AAGAB: variants seen among roughly 807,000 people sequenced by gnomAD.
AAGAB encodes alpha and gamma adaptin binding protein, also known as alpha- and gamma-adaptin-binding protein p34.
Under a neutral mutation model 44.1 loss-of-function variants are expected in AAGAB, and 38 were observed. The observed-to-expected ratio is 0.86, with a 90% confidence interval of 0.67 to 1.13. The LOEUF is 1.13. AAGAB is among the 50% of genes most tolerant of loss of function. AAGAB has a pLI of 0.00. For synonymous variants in AAGAB, 131 were observed against 131.8 expected (o/e 0.99, Z 0.04); for missense variants, 450 against 373.8 (o/e 1.20, Z -1.68).
intron 5 of AAGAB, among the ~76,000 whole-genome samples, chr15:67,213,660 TCTA>T (rs1963875883): frequency 6.6e-6 from 1 of 152,332 alleles, no homozygotes; most frequent in East Asian, 1.9e-4. Context: ...GAATCCTACT[TCTA>T]CTATTTACTG....
chr15:67,232,249 C>CAAAA (rs34877999), intron 4 of AAGAB, among the ~76,000 whole-genome samples: 3 of 88,680 alleles, frequency 3.4e-5, no homozygotes, highest in East Asian at 2.6e-4. Flanking sequence ...AACTCCATCT[C>CAAAA]AAAAAAAAAA....
intron 5 of AAGAB, among the ~76,000 whole-genome samples, chr15:67,210,474 C>A (rs1361563402): frequency 6.6e-6 from 1 of 151,354 alleles, no homozygotes; most frequent in African/African-American, 2.4e-5. Flanking sequence ...TGAGATCGCA[C>A]CACTGCACTC....
intron 1 of AAGAB, among the ~76,000 whole-genome samples, chr15:67,237,740 TA>T (rs1355031943): frequency 1.3e-5 from 2 of 152,130 alleles, no homozygotes; most frequent in Non-Finnish European, 2.9e-5. Flanking sequence ...CTTATAGAAG[TA>T]AAATGACATG....
At chr15:67,232,091 TAAAAAATACA>T (rs1028337685) in intron 4 of AAGAB, among the ~76,000 whole-genome samples, 194 bp from the exon 5 acceptor site, 35 of 151,886 alleles carry the variant, frequency 2.3e-4, no homozygotes, top group Admixed American at 1.6e-3. Flanking sequence ...CCATCTCTAC[TAAAAAATACA>T]AAATTAGCCA....
intron 7 of AAGAB, among the ~76,000 whole-genome samples, chr15:67,206,762 A>G (rs1447115509): frequency 6.6e-6 from 1 of 152,124 alleles, no homozygotes; most frequent in Non-Finnish European, 1.5e-5. Flanking sequence ...TTCTTTTTTG[A>G]GAATTTTCTT....
At chr15:67,226,201 T>C (rs1964200884) in intron 5 of AAGAB, among the ~76,000 whole-genome samples, 1 of 152,068 alleles carries the variant, frequency 6.6e-6, no homozygotes, top group Non-Finnish European at 1.5e-5. Flanking sequence ...GGCACAATCT[T>C]AGATCATCAC....
At position 67,236,728 on chromosome 15, in the gene AAGAB, C is replaced by T. The variant is rs1964478049; in HGVS notation, c.166G>A (p.Ala56Thr). 1 of 1,613,236 alleles carries T rather than the reference C, an allele frequency of 6.2e-7. No homozygotes were observed. Among genetic ancestry groups the T allele is most frequent in the Admixed American group, 1.7e-5 (1 of 59,990 alleles). The stretch of plus-strand genomic sequence containing the variant: ...GGCACCACACATAGATTGATGTCTG[C>T]TGAATAGTATTTATTATCAATGGTC... ...PWTIDNKYYS[A>T]DINLCVVPNK... is the part of the protein sequence containing the mutation. Residue 56 changes from alanine to threonine, a missense_variant, in exon 2 of 10, where the codon GCA becomes ACA. Coordinates refer to ENST00000261880, the MANE Select transcript of AAGAB (RefSeq NM_024666.5).
At chr15:67,248,934 A>C (rs1054776195) in intron 1 of AAGAB, among the ~76,000 whole-genome samples, 6 of 152,238 alleles carry the variant, frequency 3.9e-5, no homozygotes, top group Non-Finnish European at 5.9e-5. Flanking sequence ...CCTTAAAATA[A>C]GGCTTGATTC....
chr15:67,250,710 T>C (rs888857702), intron 1 of AAGAB, among the ~76,000 whole-genome samples: 6 of 152,182 alleles, frequency 3.9e-5, no homozygotes, highest in Admixed American at 2.6e-4. Context: ...TCAAGCATCC[T>C]GAGGCTTCAT....
At chr15:67,247,080 C>T (rs1386464163) in intron 1 of AAGAB, among the ~76,000 whole-genome samples, 4 of 152,180 alleles carry the variant, frequency 2.6e-5, no homozygotes, top group Non-Finnish European at 5.9e-5. Context: ...AGACCAAGAA[C>T]CCACTGGGAG....
chr15:67,230,453 CA>C (rs1195875555), intron 5 of AAGAB, among the ~76,000 whole-genome samples: 1 of 152,082 alleles, frequency 6.6e-6, no homozygotes, highest in Non-Finnish European at 1.5e-5. Flanking sequence ...AAAATGTGGA[CA>C]CAGACAGGCA....
chr15:67,249,863 C>T (rs1964821038), intron 1 of AAGAB, among the ~76,000 whole-genome samples: 2 of 152,202 alleles, frequency 1.3e-5, no homozygotes, highest in Non-Finnish European at 2.9e-5. Context: ...CACAACCTAC[C>T]TTCACAGGGA....
Position 67,202,570 on chromosome 15 carries a change from A to T in AAGAB, c.*251T>A. On this transcript the variant is annotated 3_prime_UTR_variant, in exon 10 of 10. Coordinates refer to ENST00000261880, the MANE Select transcript of AAGAB (RefSeq NM_024666.5). ...GATTTATCCTACCCTCATTCCTAGA[A>T]CAAAAAAAAAGTATATTTAAGAAAT... The T allele has an allele frequency of 2.1e-6, 1 of 469,416 alleles. No homozygotes were observed. Among genetic ancestry groups the T allele is most frequent in the South Asian group, 3.5e-5 (1 of 28,420 alleles). 29.1% of individuals were successfully genotyped at this position (469,416 alleles called of 1,614,324 possible). A position where few individuals can be genotyped will look rare whatever the true frequency, so the allele number is the denominator to read the frequency against.
intron 4 of AAGAB, 72 bp from the exon 5 acceptor site, chr15:67,231,969 T>C (rs2140373404): frequency 2.2e-6 from 3 of 1,345,148 alleles, no homozygotes; most frequent in Non-Finnish European, 2.1e-6. Flanking sequence ...TTCACAAAAA[T>C]GTGGCCAGGC....
At chr15:67,255,063 C>A, upstream of AAGAB, 1 of 1,032,058 alleles carries the variant, frequency 9.7e-7, no homozygotes, top group Non-Finnish European at 1.5e-6. Flanking sequence ...TAGACTCCCT[C>A]CAACTCGCGA....
intron 5 of AAGAB, among the ~76,000 whole-genome samples, chr15:67,218,083 T>C (rs1195611911): frequency 6.6e-6 from 1 of 152,232 alleles, no homozygotes; most frequent in Admixed American, 6.5e-5. Context: ...AATAGATAGA[T>C]TGAAAATAAA....
At chr15:67,223,357 T>G (rs558302420) in intron 5 of AAGAB, among the ~76,000 whole-genome samples, 1 of 152,322 alleles carries the variant, frequency 6.6e-6, no homozygotes, top group Admixed American at 6.5e-5. Flanking sequence ...GAACTACTGA[T>G]AGGTGACCCT....
intron 4 of AAGAB, among the ~76,000 whole-genome samples, chr15:67,234,282 G>C (rs929777006): frequency 2.0e-4 from 30 of 151,762 alleles, no homozygotes; most frequent in African/African-American, 7.3e-4. Context: ...TAAAAATAAA[G>C]AAAGAAAATA....
At chr15:67,208,768 G>A in intron 6 of AAGAB, 110 bp from the exon 7 acceptor site, 1 of 800,250 alleles carries the variant, frequency 1.2e-6, no homozygotes, top group Non-Finnish European at 2.0e-6. Context: ...AAGAGTAATA[G>A]GAACTGGAGG....
Sources: gnomAD v4.1 joint callset for allele counts (sites outside exome capture counted in the v4.1 genomes callset) on GRCh38, gnomAD v4.1.1 for gene constraint, MANE v1.5 for transcripts, NCBI Gene and HGNC (gene_info 2026-07-23, HGNC 2026-07-21) for gene names.